The following RBFOX1 variants were observed in gnomAD, a reference collection of about 807,000 sequenced individuals.
The protein encoded by RBFOX1 is RNA binding protein fox-1 homolog 1.
Under a neutral mutation model 57.7 loss-of-function variants are expected in RBFOX1, and 8 were observed. The ratio of observed to expected loss-of-function variants is 0.14; its 90% CI spans 0.08 to 0.25. The LOEUF (loss-of-function observed/expected upper bound fraction) is 0.25. RBFOX1 is among the 10% of genes least tolerant of loss of function. The probability of loss-of-function intolerance (pLI) is 1.00; values close to 1 mark genes in which losing one functional copy is unlikely to be tolerated. For synonymous variants in RBFOX1, 326 were observed against 222.4 expected (o/e 1.47, Z -4.15); for missense variants, 611 against 548.5 (o/e 1.11, Z -1.14).
intron 4 of RBFOX1, among the ~76,000 whole-genome samples, chr16:7,215,193 A>G (rs891358148): frequency 3.3e-5 from 5 of 152,168 alleles, no homozygotes; most frequent in East Asian, 1.9e-4. Flanking sequence ...TTTGCTGAGG[A>G]TGATGGTTCA....
chr16:6,675,320 G>A (rs2057447647), intron 3 of RBFOX1, among the ~76,000 whole-genome samples: 1 of 152,164 alleles, frequency 6.6e-6, no homozygotes, highest in African/African-American at 2.4e-5. Flanking sequence ...ATGCCTAAAT[G>A]TAGGTGCTCT....
chr16:5,362,742 G>C (rs2065589965), intron 1 of RBFOX1, among the ~76,000 whole-genome samples: 1 of 151,928 alleles, frequency 6.6e-6, no homozygotes, highest in South Asian at 2.1e-4. Context: ...ATTTTGCTCT[G>C]TTTCTGTGTG....
chr16:7,201,965 A>G (rs1387136620), intron 4 of RBFOX1, among the ~76,000 whole-genome samples: 2 of 152,298 alleles, frequency 1.3e-5, no homozygotes, highest in South Asian at 2.1e-4. Context: ...AAGTTTGGGA[A>G]GCCAATTAAC....
chr16:6,194,493 T>A (rs564597194), intron 1 of RBFOX1, among the ~76,000 whole-genome samples: 1 of 152,308 alleles, frequency 6.6e-6, no homozygotes, highest in Non-Finnish European at 1.5e-5. Context: ...GAACAGCCTA[T>A]TTACAGTTCA....
chr16:6,615,526 C>T (rs979060052), intron 2 of RBFOX1, among the ~76,000 whole-genome samples: 3 of 151,452 alleles, frequency 2.0e-5, no homozygotes, highest in South Asian at 2.1e-4. Context: ...GCCAAGATCG[C>T]ACCACATCTC....
Position 7,211,194 on chromosome 16 carries a change from G to A in RBFOX1, c.27+159096G>A, listed in dbSNP as rs528153660. ...ATCATGAGGTCAGGAGATCAAGACT[G>A]TCCTGGCTAACACAGTTAAACCCCG... On this transcript the variant is annotated intron_variant, in intron 4 of 15. Transcript: ENST00000550418. 9.5e-4 allele frequency among the ~76,000 whole-genome samples: 144 copies of A among 151,532 alleles called. 2 individuals carry two copies. Among genetic ancestry groups the A allele is most frequent in the Non-Finnish European group, 8.3e-4 (56 of 67,868 alleles).
intron 2 of RBFOX1, among the ~76,000 whole-genome samples, chr16:6,524,665 T>C (rs2096554477): frequency 6.6e-6 from 1 of 152,184 alleles, no homozygotes. Context: ...TTCTAGAGGC[T>C]TAAAGTCTGA....
chr16:7,431,587 A>C (rs923783813), intron 4 of RBFOX1, among the ~76,000 whole-genome samples: 1 of 152,304 alleles, frequency 6.6e-6, no homozygotes, highest in African/African-American at 2.4e-5. Flanking sequence ...GGTAAAATAC[A>C]CGTAACATAA....
Position 5,889,058 on chromosome 16 carries a change from C to T in RBFOX1, c.351+21723C>T, listed in dbSNP as rs191731689. ...ACCACACGCTCTTCAATAAAAATGTCACTACGTAGTCATTTACTTAAAATT... is the reference window on the plus strand; with the variant it reads ...ACCACACGCTCTTCAATAAAAATGTTACTACGTAGTCATTTACTTAAAATT... On this transcript the variant is annotated intron_variant, in intron 4 of 19. Transcript: ENST00000641259. 4.3e-4 allele frequency among the ~76,000 whole-genome samples: 66 copies of T among 152,258 alleles called. No homozygotes were observed. The East Asian group carries it at 5.0e-3, about 12-fold the overall frequency.
intron 4 of RBFOX1, among the ~76,000 whole-genome samples, chr16:7,371,243 A>C (rs1409897098): frequency 1.3e-5 from 2 of 152,228 alleles, no homozygotes; most frequent in African/African-American, 4.8e-5. Context: ...GGAAGAATCA[A>C]GAAGTAAACA....
intron 3 of RBFOX1, among the ~76,000 whole-genome samples, chr16:6,670,963 G>C (rs2098760845): frequency 6.6e-6 from 1 of 152,156 alleles, no homozygotes; most frequent in African/African-American, 2.4e-5. Flanking sequence ...TCGTGCCACT[G>C]CACTCCAGCC....
chr16:6,591,647 C>A (rs1157641400), intron 2 of RBFOX1, among the ~76,000 whole-genome samples: 2 of 152,118 alleles, frequency 1.3e-5, no homozygotes, highest in Non-Finnish European at 2.9e-5. Flanking sequence ...CTGTCTTAGT[C>A]TTAGCTGTTG....
At chr16:7,581,704 A>T (rs1444586011) in intron 6 of RBFOX1, among the ~76,000 whole-genome samples, 2 of 151,986 alleles carry the variant, frequency 1.3e-5, no homozygotes, top group Non-Finnish European at 2.9e-5. Context: ...CTTGATCCAA[A>T]TCTACTAGTT....
At chr16:7,325,464 A>T (rs1350707531) in intron 4 of RBFOX1, among the ~76,000 whole-genome samples, 1 of 152,186 alleles carries the variant, frequency 6.6e-6, no homozygotes, top group African/African-American at 2.4e-5. Context: ...AGGTGAGAGA[A>T]TGTAATGCCA....
chr16:7,378,375 C>G (rs1289619805), intron 4 of RBFOX1, among the ~76,000 whole-genome samples: 2 of 152,134 alleles, frequency 1.3e-5, no homozygotes, highest in Admixed American at 6.5e-5. Flanking sequence ...CGAGACCTCA[C>G]GAAACCAAGC....
intron 1 of RBFOX1, among the ~76,000 whole-genome samples, chr16:6,260,083 A>T (rs1360766879): frequency 6.6e-6 from 1 of 152,122 alleles, no homozygotes; most frequent in Non-Finnish European, 1.5e-5. Flanking sequence ...GAATTCTAGT[A>T]AATAGCCACC....
At chr16:6,509,869 TAGG>T (rs1331227971) in intron 2 of RBFOX1, among the ~76,000 whole-genome samples, 7 of 152,296 alleles carry the variant, frequency 4.6e-5, no homozygotes, top group African/African-American at 1.4e-4. Flanking sequence ...GAAAAAACTG[TAGG>T]AGAAGTCAGA....
chr16:7,355,805 G>T (rs994002762), intron 4 of RBFOX1, among the ~76,000 whole-genome samples: 1 of 152,186 alleles, frequency 6.6e-6, no homozygotes, highest in Admixed American at 6.5e-5. Context: ...TTAAGTTTTT[G>T]CCAATCTGTT....
At chr16:5,574,774 G>A (rs895736228) in intron 2 of RBFOX1, among the ~76,000 whole-genome samples, 2 of 152,034 alleles carry the variant, frequency 1.3e-5, no homozygotes, top group South Asian at 2.1e-4. Context: ...TCCATTTCTC[G>A]GGAAACCTGG....
Sources: allele counts gnomAD v4.1 joint callset (sites outside exome capture counted in the v4.1 genomes callset), GRCh38; gene constraint gnomAD v4.1.1; transcripts MANE v1.5; gene names NCBI Gene and HGNC (gene_info 2026-07-23, HGNC 2026-07-21).